Variants in PKNOX2 observed in about 807,000 individuals in gnomAD.
PKNOX2 encodes homeobox protein PKNOX2.
PKNOX2 carries 14 observed loss-of-function variants against 53.1 expected under a neutral mutation model. The observed-to-expected ratio is 0.26, with a 90% CI of 0.17 to 0.41. The LOEUF is 0.41. PKNOX2 is among the 10% of genes least tolerant of loss of function. PKNOX2 has a pLI of 1.00. For missense variants in PKNOX2, 496 were observed against 602.8 expected (o/e 0.82, Z 1.85); for synonymous variants, 257 against 242.8 (o/e 1.06, Z -0.54).
At chr11:125,408,819 A>G (rs1025877021) in intron 7 of PKNOX2, among the ~76,000 whole-genome samples, 24 of 152,094 alleles carry the variant, frequency 1.6e-4, no homozygotes, top group South Asian at 2.1e-4. Context: ...TTTCCTCCAA[A>G]CACAGATTTC....
chr11:125,367,968 C>G lies in PKNOX2; in HGVS notation c.210C>G (p.Asp70Glu), dbSNP rs1252596772. ...ACCCCCAGGCCCAGCTGGAGGCTGA[C>G]AAGCGAGCTGTATACAGGTAGGAGA... ...PIDPQAQLEA[D>E]KRAVYRHPLF... Residue 70 changes from aspartate to glutamate, a missense_variant, in exon 5 of 13, where the codon GAC becomes GAG. By Grantham distance (45) the Asp-to-Glu change is conservative. Coordinates refer to ENST00000298282, the MANE Select transcript of PKNOX2 (RefSeq NM_001382323.2). 2 of 1,613,234 alleles carry G rather than the reference C, an allele frequency of 1.2e-6. No homozygotes were observed. The highest frequency in any genetic ancestry group is 1.1e-5 in the South Asian group (1 of 90,942).
chr11:125,287,756 T>C (rs919984791), intron 2 of PKNOX2: 1 of 152,228 alleles, frequency 6.6e-6, no homozygotes, highest in Non-Finnish European at 1.5e-5. Flanking sequence ...GCTGCAGAAT[T>C]TATGGAAGCC....
intron 2 of PKNOX2, among the ~76,000 whole-genome samples, chr11:125,236,399 G>C (rs1942701877): frequency 6.8e-6 from 1 of 146,400 alleles, no homozygotes; most frequent in South Asian, 2.3e-4. Flanking sequence ...GGGGTGGGTG[G>C]AGGGGCAGAC....
chr11:125,170,024 A>C (rs567818514), intron 1 of PKNOX2, among the ~76,000 whole-genome samples: 1 of 152,182 alleles, frequency 6.6e-6, no homozygotes, highest in East Asian at 1.9e-4. Flanking sequence ...CCTTCTCTTT[A>C]TTCCACTGGG....
At chr11:125,364,478 G>A (rs946466756) in intron 4 of PKNOX2, among the ~76,000 whole-genome samples, 1 of 152,144 alleles carries the variant, frequency 6.6e-6, no homozygotes, top group East Asian at 1.9e-4. Flanking sequence ...CCAAAGTCCT[G>A]CCTAGGAGGG....
intron 1 of PKNOX2, among the ~76,000 whole-genome samples, chr11:125,206,265 T>C (rs1939098087): frequency 6.6e-6 from 1 of 152,032 alleles, no homozygotes; most frequent in South Asian, 2.1e-4. Flanking sequence ...AGGCTCGGAC[T>C]GATGCTGTTC....
chr11:125,188,604 G>A (rs889891991), intron 1 of PKNOX2, among the ~76,000 whole-genome samples: 3 of 152,152 alleles, frequency 2.0e-5, no homozygotes, highest in Non-Finnish European at 2.9e-5. Context: ...CAAATTGTTT[G>A]CAGCTCAAGG....
chr11:125,429,509 G>A (rs534896080), intron 11 of PKNOX2, among the ~76,000 whole-genome samples: 1 of 152,170 alleles, frequency 6.6e-6, no homozygotes, highest in South Asian at 2.1e-4. Context: ...GAGGGAGGAG[G>A]AGTAGCCATT....
chr11:125,239,378 C>G (rs891980690), intron 2 of PKNOX2, among the ~76,000 whole-genome samples: 1 of 152,192 alleles, frequency 6.6e-6, no homozygotes, highest in African/African-American at 2.4e-5. Flanking sequence ...ACCCCAGTGA[C>G]CCCTAAGGAA....
chr11:125,238,273 AG>A (rs1942888408), intron 2 of PKNOX2, among the ~76,000 whole-genome samples: 1 of 152,210 alleles, frequency 6.6e-6, no homozygotes, highest in Admixed American at 6.5e-5. Context: ...CAGGGGCGAG[AG>A]GGGTGAGTGG....
chr11:125,229,778 G>C (rs563791128), intron 1 of PKNOX2, among the ~76,000 whole-genome samples: 27 of 152,224 alleles, frequency 1.8e-4, no homozygotes, highest in African/African-American at 3.9e-4. Flanking sequence ...ATGGGGCCAG[G>C]GGGGGCTTGC....
At chr11:125,387,977 A>T (rs1296960531) in intron 6 of PKNOX2, among the ~76,000 whole-genome samples, 1 of 152,032 alleles carries the variant, frequency 6.6e-6, no homozygotes, top group Non-Finnish European at 1.5e-5. Flanking sequence ...AATTAATGAG[A>T]TGGCACTGGG....
intron 3 of PKNOX2, among the ~76,000 whole-genome samples, chr11:125,335,188 G>A (rs527542099): frequency 5.9e-5 from 9 of 152,240 alleles, no homozygotes; most frequent in South Asian, 4.1e-4. Context: ...AAGTCAAGCC[G>A]TCTGCATTCT....
Position 125,328,528 on chromosome 11 carries a change from G to A in PKNOX2, c.-129-3291G>A, listed in dbSNP as rs144307031. ...CTTCCCAGGTACAGGGCAGGAAGGA[G>A]TAGTAAAAAGCTACCAAAGAACAGA... On this transcript the variant is annotated intron_variant, in intron 2 of 12. Coordinates refer to ENST00000298282, the MANE Select transcript of PKNOX2 (RefSeq NM_001382323.2). Among the ~76,000 whole-genome samples, 282 of 152,236 alleles carry A rather than the reference G, an allele frequency of 1.9e-3. 2 individuals carry two copies. The highest frequency in any genetic ancestry group is 6.6e-3 in the African/African-American group (273 of 41,550).
intron 2 of PKNOX2, among the ~76,000 whole-genome samples, chr11:125,307,046 A>G (rs1232812720): frequency 6.6e-6 from 1 of 151,972 alleles, no homozygotes; most frequent in Non-Finnish European, 1.5e-5. Flanking sequence ...AGCACTTCTC[A>G]GCTTGTCTTT....
intron 6 of PKNOX2, 139 bp downstream of exon 6, chr11:125,385,861 C>A: frequency 9.7e-7 from 1 of 1,034,796 alleles, no homozygotes; most frequent in South Asian, 1.7e-5. Flanking sequence ...ACTAGATGCA[C>A]CAGTCTTGCA....
chr11:125,204,070 C>T (rs1254832396), intron 1 of PKNOX2, among the ~76,000 whole-genome samples: 1 of 152,072 alleles, frequency 6.6e-6, no homozygotes, highest in Non-Finnish European at 1.5e-5. Context: ...GAGAGAGGTT[C>T]GACCTAGAAA....
chr11:125,327,901 G>T (rs982860527), intron 2 of PKNOX2, among the ~76,000 whole-genome samples: 2 of 152,180 alleles, frequency 1.3e-5, no homozygotes, highest in African/African-American at 4.8e-5. Context: ...ACCTCTGATC[G>T]TCCTTCCTCT....
chr11:125,396,604 A>G (rs1309991034), intron 6 of PKNOX2, among the ~76,000 whole-genome samples: 1 of 151,886 alleles, frequency 6.6e-6, no homozygotes, highest in Non-Finnish European at 1.5e-5. Context: ...AAAAGCTATA[A>G]GCTTAGAAAA....
Sources: allele counts gnomAD v4.1 joint callset (sites outside exome capture counted in the v4.1 genomes callset), GRCh38; gene constraint gnomAD v4.1.1; transcripts MANE v1.5; gene names NCBI Gene and HGNC (gene_info 2026-07-23, HGNC 2026-07-21).